KIF13B: variants seen among roughly 807,000 people sequenced by gnomAD.
The protein encoded by KIF13B is kinesin family member 13B.
KIF13B carries 127 observed loss-of-function variants against 222.0 expected under a neutral mutation model. The observed-to-expected ratio is 0.57, with a 90% CI of 0.50 to 0.66. The LOEUF is 0.66. Ranked by LOEUF, KIF13B falls within the 30% of genes least tolerant of loss-of-function variation. The pLI is 0.00. For missense variants in KIF13B, 2,173 were observed against 2,379.0 expected, an observed-to-expected ratio of 0.91 and a Z score of 1.80; for synonymous variants, 976 against 919.0, an observed-to-expected ratio of 1.06 and a Z score of -1.12.
At chr8:29,113,404 A>T in intron 32 of KIF13B, 59 bp downstream of exon 32, 1 of 1,020,422 alleles carries the variant, frequency 9.8e-7, no homozygotes, top group Non-Finnish European at 1.5e-6. Flanking sequence ...GTCACTTTTC[A>T]GGGAGTTGGC....
At chr8:29,089,238 A>T (rs1808180571) in intron 37 of KIF13B, among the ~76,000 whole-genome samples, 1 of 152,102 alleles carries the variant, frequency 6.6e-6, no homozygotes, top group South Asian at 2.1e-4. Context: ...TTCAAGACCA[A>T]CCTGGGCAAC....
intron 31 of KIF13B, among the ~76,000 whole-genome samples, chr8:29,113,978 C>T (rs929525976): frequency 1.3e-5 from 2 of 152,180 alleles, no homozygotes; most frequent in African/African-American, 4.8e-5. Flanking sequence ...TGAATATTGA[C>T]AAGTCCGGGC....
chr8:29,202,627 T>C (rs1813745765), intron 2 of KIF13B, among the ~76,000 whole-genome samples: 2 of 152,180 alleles, frequency 1.3e-5, no homozygotes, highest in African/African-American at 4.8e-5. Flanking sequence ...TAAGAATAAT[T>C]AACACTGTTT....
At chr8:29,175,483 C>T (rs931510227) in intron 10 of KIF13B, among the ~76,000 whole-genome samples, 3 of 152,220 alleles carry the variant, frequency 2.0e-5, no homozygotes, top group Non-Finnish European at 4.4e-5. Context: ...CGCACATTGG[C>T]TTTCTTCTTT....
chr8:29,196,355 A>T (rs1813423049), intron 2 of KIF13B, among the ~76,000 whole-genome samples, 156 bp from the exon 3 acceptor site: 1 of 152,188 alleles, frequency 6.6e-6, no homozygotes, highest in Admixed American at 6.5e-5. Flanking sequence ...GCCACATAGT[A>T]ATTTGAAGGA....
intron 8 of KIF13B, among the ~76,000 whole-genome samples, chr8:29,179,795 G>A (rs1222183654): frequency 6.6e-6 from 1 of 152,298 alleles, no homozygotes; most frequent in East Asian, 1.9e-4. Flanking sequence ...CTGGAACACA[G>A]AGTTCTAGAG....
At chr8:29,233,404 C>T (rs1186499669) in intron 2 of KIF13B, among the ~76,000 whole-genome samples, 1 of 152,160 alleles carries the variant, frequency 6.6e-6, no homozygotes, top group East Asian at 1.9e-4. Flanking sequence ...ATGGTAGGCA[C>T]TTCAGAAATA....
intron 2 of KIF13B, among the ~76,000 whole-genome samples, chr8:29,224,184 T>C (rs938143787): frequency 2.7e-4 from 38 of 139,898 alleles, no homozygotes; most frequent in African/African-American, 7.9e-4. Context: ...GTATTTTTTT[T>C]AGTAGAGATG....
Position 29,245,394 on chromosome 8 carries a change from T to C in KIF13B, c.101A>G (p.Lys34Arg), listed in dbSNP as rs1815976927. 6.2e-7 allele frequency: 1 copy of C among 1,603,648 alleles called. No homozygotes were observed. The highest frequency in any genetic ancestry group is 1.3e-5 in the African/African-American group (1 of 74,852). The change falls in exon 2 of 40, where the codon AAG (lysine) becomes AGG (arginine). Residue 34 changes from lysine (K) to arginine (R), a missense_variant. By Grantham distance (26) the Lys-to-Arg change is conservative. Around this residue, in one of 2 missense-constraint regions of KIF13B, gnomAD observed 1,480 missense variants for 1,722.8 expected, o/e 0.86. Coordinates refer to ENST00000524189, the MANE Select transcript of KIF13B (RefSeq NM_015254.4). ...CGTATTTACAGGATTAAGAATAACC[T>C]TGTTTGCATCCACATCCACCACACA... ...TKCVVDVDAN[K>R]VILNPVNTNL...
chr8:29,141,430 G>A (rs1810813705), intron 19 of KIF13B, among the ~76,000 whole-genome samples: 1 of 151,928 alleles, frequency 6.6e-6, no homozygotes, highest in Non-Finnish European at 1.5e-5. Flanking sequence ...GTACCAAAGA[G>A]ACAAACATGT....
In KIF13B at chr8:29,068,542, A is replaced by T. The variant is rs1807103468; in HGVS notation, c.*1962T>A. On this transcript the variant is annotated 3_prime_UTR_variant, in exon 40 of 40. Coordinates refer to ENST00000524189, the MANE Select transcript of KIF13B (RefSeq NM_015254.4). This position sits in a 1 kb window ranked among gnomAD's most constrained non-coding sequence, Gnocchi z 4.4. ...ACCGATGGTAAAAAGCACGACACAC[A>T]CGTCCCCCAGGACTTTCCCAAGATG... 6.6e-6 allele frequency: 1 copy of T among 152,224 alleles called. No homozygotes were observed. The allele number at this position is 152,224 out of a possible 1,614,324, so 9.4% of individuals were successfully genotyped here. A position where few individuals can be genotyped will look rare whatever the true frequency, so the allele number is the denominator to read the frequency against.
intron 1 of KIF13B, among the ~76,000 whole-genome samples, chr8:29,253,950 G>C (rs1816378505): frequency 6.6e-6 from 1 of 151,656 alleles, no homozygotes; most frequent in African/African-American, 2.4e-5. Context: ...TTAATACAAA[G>C]GTAGAGTAAT....
Position 29,176,083 on chromosome 8 carries a change from G to C in KIF13B, c.930C>G (p.Leu310=), listed in dbSNP as rs752243643. 19 of 1,609,706 alleles carry C rather than the reference G, an allele frequency of 1.2e-5. No homozygotes were observed. In the East Asian group the frequency reaches 4.0e-4, roughly 34 times the overall value. ...NKFVPYRDSV[L]TWLLKDSLGG... ...ACAAACTTACTTTGAGCAGCCAAGT[G>C]AGAACTGAGTCACGATATGGAACAA... is the stretch of plus-strand genomic sequence containing the variant. The change falls in exon 10 of 40, where the codon CTC becomes CTG. Residue 310 remains leucine, a synonymous_variant. Transcript: ENST00000524189.
In KIF13B at chr8:29,068,933, T is replaced by G. The variant is rs1181039994; in HGVS notation, c.*1571A>C. 4 of 152,072 alleles carry G rather than the reference T, an allele frequency of 2.6e-5. No homozygotes were observed. Among genetic ancestry groups the G allele is most frequent in the African/African-American group, 9.7e-5 (4 of 41,382 alleles). 9.4% of individuals were successfully genotyped at this position (152,072 alleles called of 1,614,324 possible). On this transcript the variant is annotated 3_prime_UTR_variant, in exon 40 of 40. Coordinates refer to ENST00000524189, the MANE Select transcript of KIF13B (RefSeq NM_015254.4). The surrounding 1 kb of genome is among the most constrained non-coding windows in gnomAD (Gnocchi z 4.4). ...GCCTCCCCCCAGGGGCCGGGCCCTC[T>G]GCCAGCCCGGCCGCAGCCTTCGTGT...
intron 2 of KIF13B, among the ~76,000 whole-genome samples, chr8:29,242,922 T>C (rs766391611): frequency 6.6e-6 from 1 of 152,202 alleles, no homozygotes; most frequent in Non-Finnish European, 1.5e-5. Flanking sequence ...TCCCCAAGAC[T>C]CCACTCAACA....
intron 2 of KIF13B, among the ~76,000 whole-genome samples, chr8:29,211,686 C>A (rs542888780): frequency 6.6e-6 from 1 of 152,310 alleles, no homozygotes; most frequent in African/African-American, 2.4e-5. Flanking sequence ...CATGTGTAAG[C>A]TGGACAATTC....
intron 15 of KIF13B, among the ~76,000 whole-genome samples, chr8:29,149,212 G>C (rs1046408840): frequency 2.0e-5 from 3 of 152,218 alleles, no homozygotes; most frequent in African/African-American, 7.2e-5. Flanking sequence ...GCTAAAGCTG[G>C]AAAGATCAGC....
At chr8:29,168,221 T>C (rs777886680) in intron 10 of KIF13B, among the ~76,000 whole-genome samples, 1 of 152,258 alleles carries the variant, frequency 6.6e-6, no homozygotes, top group Non-Finnish European at 1.5e-5. Context: ...ACAATGGTCC[T>C]GAGAAGAGAT....
chr8:29,140,635 A>G lies in KIF13B; in HGVS notation c.2335-18T>C. On this transcript the variant is annotated intron_variant, in intron 19 of 39. Coordinates refer to ENST00000524189, the MANE Select transcript of KIF13B (RefSeq NM_015254.4). ...CGTATTACCTGTAAAGAGATTGAGA[A>G]CACACAACTTCAGAAAAACCATTTA... The G allele has an allele frequency of 6.2e-7, 1 of 1,600,032 alleles. No individual in the cohort carries two copies. The highest frequency in any genetic ancestry group is 8.5e-7 in the Non-Finnish European group (1 of 1,171,164).
Sources: allele counts gnomAD v4.1 joint callset (sites outside exome capture counted in the v4.1 genomes callset), GRCh38; gene constraint gnomAD v4.1.1; regional missense constraint gnomAD v4.1.1; non-coding constraint Gnocchi (gnomAD v3.1); transcripts MANE v1.5; gene names NCBI Gene and HGNC (gene_info 2026-07-23, HGNC 2026-07-21).